The following TPRG1 variants were observed in gnomAD, a reference collection of about 807,000 sequenced individuals.
TPRG1 encodes the protein tumor protein p63-regulated gene 1 protein.
Under a neutral mutation model 29.3 loss-of-function variants are expected in TPRG1, and 29 were observed. The observed-to-expected ratio is 0.99, with a 90% CI of 0.74 to 1.35. The LOEUF is 1.35. Among genes scored for constraint, TPRG1 ranks in the 40% most tolerant of loss-of-function variants. The pLI, the probability that TPRG1 is intolerant of heterozygous loss-of-function variation, is 0.00. For missense variants in TPRG1, 327 were observed against 335.0 expected, an observed-to-expected ratio of 0.98 and a Z score of 0.19; for synonymous variants, 130 against 116.8, an observed-to-expected ratio of 1.11 and a Z score of -0.73.
At chr3:189,288,438 T>C (rs1025938229) in intron 4 of TPRG1, among the ~76,000 whole-genome samples, 3 of 152,240 alleles carry the variant, frequency 2.0e-5, no homozygotes, top group Non-Finnish European at 4.4e-5. Context: ...ATATTAATAC[T>C]ATTCACCATC....
intron 1 of TPRG1, among the ~76,000 whole-genome samples, chr3:189,114,268 CTTGT>C (rs138358925): frequency 0.36 from 54,178 of 150,538 alleles, 11,575 homozygotes; most frequent in African/African-American, 0.58. Context: ...CTAGATGTTG[CTTGT>C]TTGTTTGTTT....
At chr3:189,054,719 A>G (rs1343283368) in intron 4 of TPRG1, among the ~76,000 whole-genome samples, 1 of 152,012 alleles carries the variant, frequency 6.6e-6, no homozygotes, top group African/African-American at 2.4e-5. Context: ...GGTAGAGGTT[A>G]TGGTGAGCTA....
At chr3:189,096,883 C>T (rs6798716), upstream of TPRG1, among the ~76,000 whole-genome samples, 23,221 of 152,116 alleles carry the variant, frequency 0.15, 3,261 homozygotes, top group African/African-American at 0.38. Context: ...TTTCAGACAA[C>T]TGTAGACAGT....
intron 4 of TPRG1, among the ~76,000 whole-genome samples, chr3:189,047,835 A>G (rs954498645): frequency 6.6e-6 from 1 of 152,208 alleles, no homozygotes; most frequent in African/African-American, 2.4e-5. Flanking sequence ...AGATTATGCA[A>G]TTCAGTTACA....
intron 5 of TPRG1, among the ~76,000 whole-genome samples, chr3:189,317,442 C>A (rs1224670180): frequency 6.6e-6 from 1 of 152,206 alleles, no homozygotes; most frequent in Admixed American, 6.5e-5. Context: ...TGTGAGCACA[C>A]AAGTGCATGT....
At chr3:189,075,846 G>A (rs1717137258) in intron 4 of TPRG1, among the ~76,000 whole-genome samples, 1 of 152,132 alleles carries the variant, frequency 6.6e-6, no homozygotes, top group African/African-American at 2.4e-5. Flanking sequence ...CTATCTTCAA[G>A]CAGTCAGCCT....
chr3:189,136,038 G>A (rs1040616095), intron 3 of TPRG1, among the ~76,000 whole-genome samples: 12 of 152,090 alleles, frequency 7.9e-5, no homozygotes, highest in Admixed American at 6.6e-4. Context: ...GTGTGTTTGT[G>A]CCTATCTACC....
chr3:189,078,291 C>T (rs1717361932), intron 4 of TPRG1, among the ~76,000 whole-genome samples: 1 of 151,748 alleles, frequency 6.6e-6, no homozygotes, highest in African/African-American at 2.4e-5. Context: ...GTGTGTGCCA[C>T]CATGCTTGGC....
At chr3:189,224,227 A>G (rs1412306228) in intron 3 of TPRG1, among the ~76,000 whole-genome samples, 1 of 152,256 alleles carries the variant, frequency 6.6e-6, no homozygotes, top group Non-Finnish European at 1.5e-5. Flanking sequence ...TTACGCCTGT[A>G]ATCCCAGCAC....
At chr3:189,058,529 C>T (rs916482539) in intron 4 of TPRG1, among the ~76,000 whole-genome samples, 4 of 152,118 alleles carry the variant, frequency 2.6e-5, no homozygotes, top group African/African-American at 9.7e-5. Flanking sequence ...CTTTGTGGGG[C>T]CCACAAAACA....
intron 1 of TPRG1, among the ~76,000 whole-genome samples, chr3:189,192,170 C>T (rs538497586): frequency 6.6e-6 from 1 of 152,270 alleles, no homozygotes; most frequent in South Asian, 2.1e-4. Context: ...ATTCATGTTA[C>T]ATTTCTGAGA....
chr3:189,018,877 TC>T (rs1713114919), intron 3 of TPRG1, among the ~76,000 whole-genome samples: 1 of 149,726 alleles, frequency 6.7e-6, no homozygotes, highest in Non-Finnish European at 1.5e-5. Context: ...GGAATGTTCT[TC>T]CATTTGTTTG....
chr3:189,205,657 C>T (rs531372604), intron 1 of TPRG1, among the ~76,000 whole-genome samples: 2 of 152,170 alleles, frequency 1.3e-5, no homozygotes, highest in Non-Finnish European at 2.9e-5. Context: ...GGCATTCCTA[C>T]TTTCATGGTG....
At chr3:189,247,687 A>G (rs1264999929) in intron 4 of TPRG1, among the ~76,000 whole-genome samples, 2 of 151,932 alleles carry the variant, frequency 1.3e-5, no homozygotes, top group African/African-American at 4.8e-5. Flanking sequence ...TTTCAGGAAA[A>G]GCAGTCTGCT....
upstream of TPRG1, among the ~76,000 whole-genome samples, chr3:189,170,021 C>T (rs983928172): frequency 1.1e-4 from 17 of 152,140 alleles, no homozygotes; most frequent in African/African-American, 2.4e-4. Flanking sequence ...AGATGGATGC[C>T]GTGTGAACAA....
At chr3:189,294,674 A>G (rs1719583907) in intron 4 of TPRG1, among the ~76,000 whole-genome samples, 1 of 152,220 alleles carries the variant, frequency 6.6e-6, no homozygotes, top group Non-Finnish European at 1.5e-5. Flanking sequence ...TTCTTTGAAC[A>G]TTAATTTCCT....
At chr3:189,287,424 G>A (rs1408260329) in intron 4 of TPRG1, among the ~76,000 whole-genome samples, 1 of 149,552 alleles carries the variant, frequency 6.7e-6, no homozygotes, top group Non-Finnish European at 1.5e-5. Flanking sequence ...TTGAGACAGA[G>A]TCTTGCTCTG....
rs1262928882 is a variant in TPRG1 at position 189,192,469 on chromosome 3, G to A, written c.-9-14907G>A. On this transcript the variant is annotated intron_variant, in intron 1 of 5. Coordinates refer to ENST00000345063, the MANE Select transcript of TPRG1 (RefSeq NM_198485.4). ...CTAGTGAAGAGGATGTGAAAGTTAA[G>A]GCAAGCTAACAGGTAGTTGTAATGC... is the stretch of plus-strand genomic sequence containing the variant. 2.0e-5 allele frequency among the ~76,000 whole-genome samples: 3 copies of A among 152,168 alleles called. No individual in the cohort carries two copies. The East Asian group carries it at 5.8e-4, about 29-fold the overall frequency.
intron 4 of TPRG1, among the ~76,000 whole-genome samples, chr3:189,086,520 C>T (rs912305749): frequency 3.3e-5 from 5 of 150,248 alleles, no homozygotes; most frequent in East Asian, 1.9e-4. Context: ...CCACCACACC[C>T]AGCTAATTTT....
Sources: gnomAD v4.1 joint callset for allele counts (sites outside exome capture counted in the v4.1 genomes callset) on GRCh38, gnomAD v4.1.1 for gene constraint, MANE v1.5 for transcripts, NCBI Gene and HGNC (gene_info 2026-07-23, HGNC 2026-07-21) for gene names.